Variants in TRPM1 observed in about 807,000 individuals in gnomAD.
The protein encoded by TRPM1 is transient receptor potential cation channel subfamily M member 1, also known as TRPM1-203 APA Isoform, Intron 10.
A neutral mutation model predicts 149.4 loss-of-function variants in TRPM1; 113 were observed. The ratio of observed to expected loss-of-function variants is 0.76; its 90% CI spans 0.65 to 0.88. The LOEUF (loss-of-function observed/expected upper bound fraction) is 0.88. TRPM1 is among the 40% of genes least tolerant of loss of function. The pLI is 0.00. For missense variants in TRPM1, 1,976 were observed against 2,038.7 expected, an observed-to-expected ratio of 0.97 and a Z score of 0.59; for synonymous variants, 741 against 759.5, an observed-to-expected ratio of 0.98 and a Z score of 0.40.
intron 1 of TRPM1, among the ~76,000 whole-genome samples, chr15:31,099,677 T>C (rs919312253): frequency 3.3e-5 from 5 of 151,990 alleles, no homozygotes; most frequent in African/African-American, 1.2e-4. Context: ...TCCCAGAAAA[T>C]AATCAATAAA....
At chr15:31,096,989 G>T (rs1028534097) in intron 1 of TRPM1, among the ~76,000 whole-genome samples, 1 of 152,230 alleles carries the variant, frequency 6.6e-6, no homozygotes, top group African/African-American at 2.4e-5. Flanking sequence ...CAGCGTGACG[G>T]TGGAGGCTGC....
intron 1 of TRPM1, among the ~76,000 whole-genome samples, chr15:31,099,683 A>G (rs550430968): frequency 5.3e-5 from 8 of 152,236 alleles, no homozygotes; most frequent in Non-Finnish European, 7.3e-5. Flanking sequence ...AAAATAATCA[A>G]TAAAACATAA....
intron 27 of TRPM1, among the ~76,000 whole-genome samples, chr15:31,010,637 C>T (rs2032152071): frequency 6.6e-6 from 1 of 152,082 alleles, no homozygotes; most frequent in Non-Finnish European, 1.5e-5. Flanking sequence ...CCTGAGAATA[C>T]ACTTTGTTTA....
At chr15:31,132,903 G>A (rs1018128098) in intron 1 of TRPM1, among the ~76,000 whole-genome samples, 5 of 152,088 alleles carry the variant, frequency 3.3e-5, no homozygotes, top group Admixed American at 6.5e-5. Context: ...CTTCTCCTTC[G>A]CCTTCTGCCA....
Position 31,031,148 on chromosome 15 carries a change from TGTC to T in TRPM1, c.2959_2961del (p.Asp987del). On this transcript the variant is annotated inframe_deletion, in exon 23 of 28. Transcript: ENST00000256552. ...AGCATGATGACCACAAAGTACAGCATGTCGATCATCTGAGTAAGGAGAACATTT... is the reference window on the plus strand; with the variant it reads ...AGCATGATGACCACAAAGTACAGCATGATCATCTGAGTAAGGAGAACATTT... 2 of 1,614,216 alleles carry T rather than the reference TGTC, an allele frequency of 1.2e-6. No homozygotes were observed. Among genetic ancestry groups the T allele is most frequent in the South Asian group, 2.2e-5 (2 of 91,078 alleles).
At chr15:31,144,936 G>A (rs2036206174) in intron 1 of TRPM1, among the ~76,000 whole-genome samples, 1 of 151,892 alleles carries the variant, frequency 6.6e-6, no homozygotes, top group East Asian at 1.9e-4. Flanking sequence ...GGCTGATCTC[G>A]AGCTCCCGAC....
At chr15:31,145,397 T>C (rs1007129662) in intron 1 of TRPM1, among the ~76,000 whole-genome samples, 1 of 152,218 alleles carries the variant, frequency 6.6e-6, no homozygotes, top group Admixed American at 6.5e-5. Flanking sequence ...CTTGGCAGGA[T>C]AATGCTGCAG....
At chr15:31,093,940 C>T (rs1244891581) in intron 1 of TRPM1, among the ~76,000 whole-genome samples, 1 of 152,062 alleles carries the variant, frequency 6.6e-6, no homozygotes, top group Non-Finnish European at 1.5e-5. Flanking sequence ...AGTTAGAGGA[C>T]TCATATTTTC....
chr15:31,116,572 AG>A (rs2035799662), intron 1 of TRPM1, among the ~76,000 whole-genome samples: 1 of 151,686 alleles, frequency 6.6e-6, no homozygotes, highest in Non-Finnish European at 1.5e-5. Flanking sequence ...ACTGCACTCC[AG>A]CCTGGCCAAC....
intron 1 of TRPM1, among the ~76,000 whole-genome samples, chr15:31,085,865 AT>A (rs926968212): frequency 1.3e-5 from 2 of 152,118 alleles, no homozygotes; most frequent in Non-Finnish European, 2.9e-5. Context: ...TTTGCTTCTC[AT>A]TTTTTACCAC....
chr15:31,047,225 G>C lies in TRPM1; in HGVS notation c.1650C>G (p.Ile550Met), dbSNP rs753153182. Residue 550 changes from isoleucine (I) to methionine (M), a missense_variant, in exon 15 of 28, where the codon ATC becomes ATG. Ile to Met is a conservative substitution (Grantham distance 10). Coordinates refer to ENST00000256552, the MANE Select transcript of TRPM1 (RefSeq NM_001252024.2). ...GCACGAGCCCGATGTCTATGAGGCT[G>C]ATGTGGTAATCAGGCGGAAGGTTGC... The part of the protein sequence containing the change: ...KKSNLPPDYH[I>M]SLIDIGLVLE... The C allele has an allele frequency of 1.2e-6, 2 of 1,614,230 alleles. No homozygotes were observed. The highest frequency in any genetic ancestry group is 2.2e-5 in the South Asian group (2 of 91,086).
intron 27 of TRPM1, among the ~76,000 whole-genome samples, chr15:31,007,012 TAA>T (rs1230545590): frequency 2.0e-5 from 3 of 152,238 alleles, no homozygotes; most frequent in Admixed American, 1.3e-4. Context: ...ATATTTTGTA[TAA>T]AAGTCTTTTG....
chr15:31,079,402 C>G (rs191760847), intron 2 of TRPM1, among the ~76,000 whole-genome samples: 7 of 152,176 alleles, frequency 4.6e-5, no homozygotes, highest in Admixed American at 4.6e-4. Context: ...TGGAAGGATC[C>G]GTTTCCAGGC....
chr15:31,135,066 A>G (rs2036070365), intron 1 of TRPM1, among the ~76,000 whole-genome samples: 1 of 152,248 alleles, frequency 6.6e-6, no homozygotes, highest in Non-Finnish European at 1.5e-5. Flanking sequence ...AAGGATACAT[A>G]TGATTAAACT....
chr15:31,047,992 G>A (rs2033829906), intron 13 of TRPM1, 53 bp from the exon 14 acceptor site: 2 of 1,508,682 alleles, frequency 1.3e-6, no homozygotes, highest in Middle Eastern at 1.7e-4. Flanking sequence ...GCCAGGCGCG[G>A]TGGCTCACGC....
chr15:31,074,648 T>C (rs1346187170), intron 3 of TRPM1, among the ~76,000 whole-genome samples: 2 of 152,168 alleles, frequency 1.3e-5, no homozygotes, highest in African/African-American at 4.8e-5. Flanking sequence ...TTTAATTTCA[T>C]TGAATTTCTC....
upstream of TRPM1, among the ~76,000 whole-genome samples, chr15:31,103,923 G>A (rs1465687788): frequency 6.6e-6 from 1 of 152,078 alleles, no homozygotes; most frequent in East Asian, 1.9e-4. Flanking sequence ...TCTGTTGGGC[G>A]GTGTTGAGCT....
chr15:31,059,554 C>T (rs77759817), intron 11 of TRPM1, among the ~76,000 whole-genome samples: 12,870 of 152,098 alleles, frequency 0.085, 671 homozygotes, highest in Non-Finnish European at 0.11. Context: ...TATAGGCATG[C>T]ACTCCCATGC....
At chr15:31,097,553 G>A (rs1400512831) in intron 1 of TRPM1, among the ~76,000 whole-genome samples, 2 of 152,110 alleles carry the variant, frequency 1.3e-5, no homozygotes, top group African/African-American at 4.8e-5. Flanking sequence ...GTGAAAAATT[G>A]GAAACCTCCA....
Sources: allele counts gnomAD v4.1 joint callset (sites outside exome capture counted in the v4.1 genomes callset), GRCh38; gene constraint gnomAD v4.1.1; transcripts MANE v1.5; gene names NCBI Gene and HGNC (gene_info 2026-07-23, HGNC 2026-07-21).